Variants in TMEM176B observed in about 807,000 individuals in gnomAD.
TMEM176B encodes the protein transmembrane protein 176B, also known as LR8-like protein.
TMEM176B carries 28 observed loss-of-function variants against 30.3 expected under a neutral mutation model. The observed-to-expected ratio is 0.92, with a 90% CI of 0.68 to 1.27. The LOEUF (loss-of-function observed/expected upper bound fraction) is 1.27, where lower values mean the gene tolerates loss of function less well. Ranked by LOEUF, TMEM176B falls within the 50% of genes most tolerant of loss-of-function variation. TMEM176B has a pLI of 0.00. For missense variants in TMEM176B, 349 were observed against 327.4 expected (o/e 1.07, Z -0.51); for synonymous variants, 123 against 130.3 (o/e 0.94, Z 0.38).
In TMEM176B at chr7:150,796,436, T is replaced by G; in HGVS notation, c.134A>C (p.Lys45Thr). Reference sequence around the variant, plus strand: ...AGTGTCCCCAGGGTGAAAAAGAAACTTCTTCAGAGAACCTCCAGCTTTCAG... The same window carrying G: ...AGTGTCCCCAGGGTGAAAAAGAAACGTCTTCAGAGAACCTCCAGCTTTCAG... ...QLLKAGGSLKKFLFHPGDTVP... is the reference protein window; with the variant it reads ...QLLKAGGSLKTFLFHPGDTVP... The change falls in exon 2 of 7, where the codon AAG becomes ACG. Residue 45 changes from lysine (K) to threonine (T), a missense_variant. Physicochemically the swap from Lys to Thr is moderately conservative, Grantham distance 78 (BLOSUM62 -1). Transcript: ENST00000326442. 6.2e-7 allele frequency: 1 copy of G among 1,613,894 alleles called. No homozygotes were observed. The highest frequency in any genetic ancestry group is 8.5e-7 in the Non-Finnish European group (1 of 1,179,784).
chr7:150,793,050 T>G (rs768573296), intron 5 of TMEM176B, 38 bp downstream of exon 5: 1 of 1,605,884 alleles, frequency 6.2e-7, no homozygotes, highest in East Asian at 2.2e-5. Flanking sequence ...AAAAAAGAGC[T>G]GTGATGGGTC....
At position 150,792,107 on chromosome 7, in the gene TMEM176B, A is replaced by G. The variant is rs1268123490; in HGVS notation, c.669T>C (p.Val223=). ...VCVLKVIVSL[V]SLGVGLRNLC... ...AGTTTCGAAGACCTACTCCCAAGGA[A>G]ACCAAGGACACAATGACCTTCAAGA... is the stretch of plus-strand genomic sequence containing the variant. The change falls in exon 6 of 7, where the codon GTT becomes GTC. Residue 223 remains valine (V), a synonymous_variant. Transcript: ENST00000326442. 2 of 1,614,000 alleles carry G rather than the reference A, an allele frequency of 1.2e-6. No individual in the cohort carries two copies. Among genetic ancestry groups the G allele is most frequent in the Non-Finnish European group, 8.5e-7 (1 of 1,179,946 alleles).
chr7:150,792,618 G>GC (rs1045043219), intron 5 of TMEM176B, among the ~76,000 whole-genome samples: 2 of 152,178 alleles, frequency 1.3e-5, no homozygotes, highest in Non-Finnish European at 2.9e-5. Flanking sequence ...TCCGGACCAT[G>GC]CAACTACATC....
intron 6 of TMEM176B, 107 bp downstream of exon 6, chr7:150,791,949 C>T (rs762573220): frequency 6.0e-6 from 9 of 1,509,516 alleles, no homozygotes; most frequent in Non-Finnish European, 8.1e-6. Context: ...CTGAGGGGCA[C>T]CAGGCCCAGC....
At chr7:150,792,417 C>T (rs1329505382) in intron 5 of TMEM176B, among the ~76,000 whole-genome samples, 1 of 152,206 alleles carries the variant, frequency 6.6e-6, no homozygotes, top group Non-Finnish European at 1.5e-5. Context: ...CCTAGAACTG[C>T]TTTGGCCACA....
At chr7:150,792,022 C>T in intron 6 of TMEM176B, 34 bp downstream of exon 6, 1 of 1,612,166 alleles carries the variant, frequency 6.2e-7, no homozygotes, top group Non-Finnish European at 8.5e-7. Context: ...CACCCAGACT[C>T]ACGCTGCCCA....
At chr7:150,799,694 C>G (rs1439905965) in intron 1 of TMEM176B, among the ~76,000 whole-genome samples, 1 of 152,244 alleles carries the variant, frequency 6.6e-6, no homozygotes, top group African/African-American at 2.4e-5. Flanking sequence ...CCAGCCCAGC[C>G]CCAGATTCCA....
chr7:150,793,594 C>T lies in TMEM176B; in HGVS notation c.322G>A (p.Ala108Thr), dbSNP rs73480478. The part of the protein sequence containing the change: ...CAFWAGSVVI[A>T]AGAGAIVHEK... ...TGGACAATGGCCCCAGCTCCTGCTGCGATCACCTGAAAAGAGACACCAGAA... is the reference window on the plus strand; with the variant it reads ...TGGACAATGGCCCCAGCTCCTGCTGTGATCACCTGAAAAGAGACACCAGAA... The change falls in exon 4 of 7, where the codon GCA (alanine) becomes ACA (threonine). Residue 108 changes from alanine (A) to threonine (T), a missense_variant. Coordinates refer to ENST00000326442, the MANE Select transcript of TMEM176B (RefSeq NM_001101312.2). 5.7e-4 allele frequency: 919 copies of T among 1,613,390 alleles called. 2 individuals are homozygous for T. In the African/African-American group the frequency reaches 6.3e-3, roughly 11 times the overall value.
rs1798726368 is a variant in TMEM176B at position 150,800,317 on chromosome 7, C to CAGGTGA, written c.-26_-25insTCACCT. The stretch of plus-strand genomic sequence containing the variant: ...CCTCACCTGCAGTCCTCCGGGAGCC[C>CAGGTGA]GCGGCCGAGCAGAGCGGACACTAGC... On this transcript the variant is annotated 5_prime_UTR_variant, in exon 1 of 7. Coordinates refer to ENST00000326442, the MANE Select transcript of TMEM176B (RefSeq NM_001101312.2). 1 of 152,316 alleles carries CAGGTGA rather than the reference C, an allele frequency of 6.6e-6. No individual in the cohort carries two copies. The allele number at this position is 152,316 out of a possible 1,614,324, so 9.4% of individuals were successfully genotyped here.
rs369568484 is a variant in TMEM176B, at chr7:150,791,568, G to T, written c.776C>A (p.Pro259His). ...GGCAGTGGAGGTCTGCTCCCTAGAG[G>T]GCGAAGGGGGCACTGAATTCTCCCC... ...LLGENSVPPS[P>H]SREQTSTAIV... Residue 259 changes from proline (P) to histidine (H), a missense_variant, in exon 7 of 7, where the codon CCC (proline) becomes CAC (histidine). By Grantham distance (77) the Pro-to-His change is moderately conservative. Coordinates refer to ENST00000326442, the MANE Select transcript of TMEM176B (RefSeq NM_001101312.2). The T allele has an allele frequency of 8.7e-6, 14 of 1,613,874 alleles. No homozygotes were observed. Among genetic ancestry groups the T allele is most frequent in the Non-Finnish European group, 1.2e-5 (14 of 1,179,996 alleles).
intron 1 of TMEM176B, chr7:150,799,933 C>G (rs1406558363): frequency 6.6e-6 from 1 of 152,342 alleles, no homozygotes; most frequent in Non-Finnish European, 1.5e-5. Flanking sequence ...CGAACACTTT[C>G]CTCTGTCCAG....
At chr7:150,793,694 G>T in intron 3 of TMEM176B, 94 bp from the exon 4 acceptor site, 1 of 1,381,282 alleles carries the variant, frequency 7.2e-7, no homozygotes, top group South Asian at 1.2e-5. Flanking sequence ...TAGCCAATGT[G>T]AAGCAGGATC....
chr7:150,796,813 G>T (rs959978494), intron 1 of TMEM176B: 5 of 470,462 alleles, frequency 1.1e-5, no homozygotes, highest in African/African-American at 5.9e-5. Flanking sequence ...ACAAAAATCC[G>T]CACGGTGGTG....
At chr7:150,794,461 C>T (rs1798441918) in intron 2 of TMEM176B, among the ~76,000 whole-genome samples, 1 of 151,930 alleles carries the variant, frequency 6.6e-6, no homozygotes, top group Non-Finnish European at 1.5e-5. Flanking sequence ...CTCTTGAGGG[C>T]TCTGTGGCAG....
chr7:150,799,129 T>C (rs957366674), intron 1 of TMEM176B, among the ~76,000 whole-genome samples: 2 of 152,226 alleles, frequency 1.3e-5, no homozygotes, highest in Non-Finnish European at 1.5e-5. Context: ...CCTTCGCCGT[T>C]GGGAGACACG....
At position 150,793,724 on chromosome 7, in the gene TMEM176B, T is replaced by G. The variant is rs1440840070; in HGVS notation, c.316-124A>C. ...AGGATCCCAGGGACAGACAAAGAAC[T>G]CTGACACACAGACCAGGATTCCACC... On this transcript the variant is annotated intron_variant, in intron 3 of 6. Coordinates refer to ENST00000326442, the MANE Select transcript of TMEM176B (RefSeq NM_001101312.2). 6 of 1,075,150 alleles carry G rather than the reference T, an allele frequency of 5.6e-6. No homozygotes were observed. The African/African-American group carries it at 9.4e-5, about 17-fold the overall frequency. 66.6% of individuals were successfully genotyped at this position (1,075,150 alleles called of 1,614,324 possible).
At chr7:150,799,352 C>G (rs1489788166) in intron 1 of TMEM176B, among the ~76,000 whole-genome samples, 1 of 152,228 alleles carries the variant, frequency 6.6e-6, no homozygotes, top group Non-Finnish European at 1.5e-5. Flanking sequence ...TAACATGGAG[C>G]TTAATGCTAA....
chr7:150,795,660 C>G (rs1036413341), intron 2 of TMEM176B, among the ~76,000 whole-genome samples: 1 of 152,218 alleles, frequency 6.6e-6, no homozygotes, highest in Non-Finnish European at 1.5e-5. Flanking sequence ...ACCGAATTAA[C>G]AGCCTCTAGA....
chr7:150,793,988 T>C lies in TMEM176B; in HGVS notation c.288A>G (p.Ser96=). The stretch of plus-strand genomic sequence containing the variant: ...CAGACCCCGCCCAGAAGGCACAGCC[T>C]GAGGCACTCAGCACAGTCCAGGGCC... The part of the protein sequence containing the change: ...SLGPWTVLSA[S]GCAFWAGSVV... The change falls in exon 3 of 7, where the codon TCA becomes TCG. Residue 96 remains serine, a synonymous_variant. Coordinates refer to ENST00000326442, the MANE Select transcript of TMEM176B (RefSeq NM_001101312.2). 1.2e-6 allele frequency: 2 copies of C among 1,612,960 alleles called. No individual in the cohort carries two copies.
Sources: gnomAD v4.1 joint callset for allele counts (sites outside exome capture counted in the v4.1 genomes callset) on GRCh38, gnomAD v4.1.1 for gene constraint, MANE v1.5 for transcripts, NCBI Gene and HGNC (gene_info 2026-07-23, HGNC 2026-07-21) for gene names.